TENM3: variants seen among roughly 807,000 people sequenced by gnomAD.
TENM3 encodes the protein teneurin transmembrane protein 3, also known as teneurin-3.
Under a neutral mutation model 255.1 loss-of-function variants are expected in TENM3, and 63 were observed. That is an observed-to-expected ratio of 0.25 (90% CI 0.20 to 0.30). The LOEUF (loss-of-function observed/expected upper bound fraction) is 0.30, where lower values mean the gene tolerates loss of function less well. Ranked by LOEUF, TENM3 falls within the 10% of genes least tolerant of loss-of-function variation. The pLI is 1.00. For missense variants in TENM3, 2,929 were observed against 3,461.1 expected, an observed-to-expected ratio of 0.85 and a Z score of 3.86; for synonymous variants, 1,306 against 1,322.3, an observed-to-expected ratio of 0.99 and a Z score of 0.27.
the TENM3 span, among the ~76,000 whole-genome samples, chr4:182,116,408 C>T: frequency 2.0e-5 from 3 of 152,058 alleles, no homozygotes; most frequent in Admixed American, 6.5e-5. Context: ...ATAATCCCCA[C>T]GTGTCATAGG....
At chr4:181,512,005 C>T in the TENM3 span, among the ~76,000 whole-genome samples, 1 of 152,108 alleles carries the variant, frequency 6.6e-6, no homozygotes, top group African/African-American at 2.4e-5. Flanking sequence ...CTCCATCAGC[C>T]TCAGGATGAA....
At chr4:182,094,161 T>G in the TENM3 span, among the ~76,000 whole-genome samples, 1 of 151,652 alleles carries the variant, frequency 6.6e-6, no homozygotes, top group Non-Finnish European at 1.5e-5. Context: ...CAGAGCAAGC[T>G]GCCATACTCA....
At chr4:182,120,861 A>C in the TENM3 span, among the ~76,000 whole-genome samples, 258 of 152,296 alleles carry the variant, frequency 1.7e-3, no homozygotes, top group Non-Finnish European at 2.9e-3. Flanking sequence ...GTTGAGGTCA[A>C]AGGGGTAACA....
chr4:182,292,385 T>C (rs1163490535), intron 1 of TENM3, among the ~76,000 whole-genome samples: 3 of 152,216 alleles, frequency 2.0e-5, no homozygotes, highest in Non-Finnish European at 4.4e-5. Context: ...GGTAATAGAT[T>C]GCTTGTCTCA....
At chr4:181,922,626 T>C in the TENM3 span, among the ~76,000 whole-genome samples, 1 of 152,200 alleles carries the variant, frequency 6.6e-6, no homozygotes, top group African/African-American at 2.4e-5. Context: ...CTTCTCTCTT[T>C]TCTTCTTTAT....
At chr4:181,931,421 A>G in the TENM3 span, among the ~76,000 whole-genome samples, 2 of 152,120 alleles carry the variant, frequency 1.3e-5, no homozygotes, top group Non-Finnish European at 2.9e-5. Flanking sequence ...CACAATTCCT[A>G]CAAAGAGAGT....
chr4:182,169,074 T>TACACACACACAA (rs1751919185), intron 1 of TENM3, among the ~76,000 whole-genome samples: 1 of 137,760 alleles, frequency 7.3e-6, no homozygotes, highest in African/African-American at 2.7e-5. Context: ...AATCATGCCA[T>TACACACACACAA]ACACACACAC....
chr4:182,694,995 T>G (rs1239322449), intron 12 of TENM3, among the ~76,000 whole-genome samples: 3 of 152,216 alleles, frequency 2.0e-5, no homozygotes, highest in Non-Finnish European at 2.9e-5. Flanking sequence ...CAAAACTCAA[T>G]ATTCTTTGCA....
At chr4:181,471,375 ATTATT>A in the TENM3 span, among the ~76,000 whole-genome samples, 11 of 152,136 alleles carry the variant, frequency 7.2e-5, no homozygotes, top group Admixed American at 6.5e-4. Context: ...AAATTTTTTA[ATTATT>A]TTATTTAAAG....
chr4:182,234,968 G>C (rs1021361994), intron 1 of TENM3, among the ~76,000 whole-genome samples: 31 of 152,220 alleles, frequency 2.0e-4, no homozygotes, highest in Middle Eastern at 3.4e-3. Context: ...TGGAAAACAG[G>C]CCTGGGAAGG....
chr4:182,558,372 A>G (rs1742789756), intron 3 of TENM3, among the ~76,000 whole-genome samples: 1 of 152,166 alleles, frequency 6.6e-6, no homozygotes, highest in African/African-American at 2.4e-5. Flanking sequence ...TTAGTGGCCA[A>G]AAATACATGG....
At chr4:181,746,852 G>A in the TENM3 span, among the ~76,000 whole-genome samples, 1 of 151,806 alleles carries the variant, frequency 6.6e-6, no homozygotes, top group Non-Finnish European at 1.5e-5. Context: ...AGAGATATTG[G>A]ACACATTCTT....
chr4:182,107,207 A>G, the TENM3 span, among the ~76,000 whole-genome samples: 207 of 151,736 alleles, frequency 1.4e-3, 1 homozygote, highest in East Asian at 0.031. Context: ...TGGATTTATT[A>G]CTTACAGATA....
chr4:181,709,483 T>C, the TENM3 span, among the ~76,000 whole-genome samples: 2 of 152,212 alleles, frequency 1.3e-5, no homozygotes, highest in Non-Finnish European at 2.9e-5. Context: ...TGGGAATGCC[T>C]CTAAAAGTTT....
the TENM3 span, among the ~76,000 whole-genome samples, chr4:181,635,930 G>A: frequency 1.3e-5 from 2 of 152,034 alleles, no homozygotes; most frequent in Non-Finnish European, 2.9e-5. Flanking sequence ...ATTACATCGT[G>A]GGCTCCCTCT....
At chr4:182,374,980 A>C (rs1039231907) in intron 3 of TENM3, among the ~76,000 whole-genome samples, 3 of 152,100 alleles carry the variant, frequency 2.0e-5, no homozygotes, top group Non-Finnish European at 2.9e-5. Flanking sequence ...TTGTGAATAA[A>C]CCATGAGTTT....
At chr4:181,840,902 C>T in the TENM3 span, among the ~76,000 whole-genome samples, 150,992 of 152,258 alleles carry the variant, frequency 0.99, 74,885 homozygotes, top group Middle Eastern at 1. Flanking sequence ...ACTCAGTCAC[C>T]AGCCTGAGTA....
the TENM3 span, among the ~76,000 whole-genome samples, chr4:181,466,065 C>A: frequency 6.6e-6 from 1 of 151,696 alleles, no homozygotes; most frequent in African/African-American, 2.4e-5. Context: ...TCCACCTAAA[C>A]GTGGGTGGAT....
intron 3 of TENM3, among the ~76,000 whole-genome samples, chr4:182,462,841 C>T (rs1407593632): frequency 4.0e-5 from 6 of 151,690 alleles, no homozygotes; most frequent in Admixed American, 1.3e-4. Flanking sequence ...GAGCTGAGAC[C>T]GCACCACCGC....
Sources: allele counts gnomAD v4.1 joint callset (sites outside exome capture counted in the v4.1 genomes callset), GRCh38; gene constraint gnomAD v4.1.1; transcripts MANE v1.5; gene names NCBI Gene and HGNC (gene_info 2026-07-23, HGNC 2026-07-21).